Variants in SV2C observed in about 807,000 individuals in gnomAD.
SV2C encodes the protein solute carrier family 22 member B3.
Under a neutral mutation model 79.7 loss-of-function variants are expected in SV2C, and 49 were observed. That is an observed-to-expected ratio of 0.61 (90% confidence interval 0.49 to 0.78). The LOEUF is 0.78. Among genes scored for constraint, SV2C ranks in the 30% least tolerant of loss-of-function variants. The pLI, the probability that SV2C is intolerant of heterozygous loss-of-function variation, is 0.00. For synonymous variants in SV2C, 334 were observed against 333.2 expected, an observed-to-expected ratio of 1.00 and a Z score of -0.03; for missense variants, 833 against 912.9, an observed-to-expected ratio of 0.91 and a Z score of 1.13.
chr5:75,894,024 A>T, the SV2C span, among the ~76,000 whole-genome samples: 2 of 152,044 alleles, frequency 1.3e-5, no homozygotes, highest in Admixed American at 1.3e-4. Context: ...ACAGTAAAAT[A>T]TCTCAATTTT....
chr5:76,155,441 G>A (rs1318119620), intron 2 of SV2C, among the ~76,000 whole-genome samples: 1 of 152,168 alleles, frequency 6.6e-6, no homozygotes, highest in Non-Finnish European at 1.5e-5. Flanking sequence ...AACCAAGAAT[G>A]CAGAGCTCCT....
At chr5:76,099,376 G>A (rs1352381253) in intron 1 of SV2C, among the ~76,000 whole-genome samples, 1 of 151,610 alleles carries the variant, frequency 6.6e-6, no homozygotes, top group Non-Finnish European at 1.5e-5. Context: ...GTGTGTGTGT[G>A]TGTGTGTGTG....
At chr5:75,970,979 A>C in the SV2C span, among the ~76,000 whole-genome samples, 56 of 152,210 alleles carry the variant, frequency 3.7e-4, no homozygotes, top group East Asian at 0.01. Context: ...ATCCACCATA[A>C]TCAAGTGGGC....
At chr5:76,147,289 G>C (rs1749467007) in intron 2 of SV2C, among the ~76,000 whole-genome samples, 2 of 147,692 alleles carry the variant, frequency 1.4e-5, no homozygotes, top group African/African-American at 2.4e-5. Flanking sequence ...GGTGCTCCTA[G>C]TCACACTCAG....
chr5:76,010,040 ACT>A, the SV2C span, among the ~76,000 whole-genome samples: 1 of 135,224 alleles, frequency 7.4e-6, no homozygotes, highest in African/African-American at 2.9e-5. Context: ...TAACCTGCAA[ACT>A]CTACCTAGGC....
At chr5:76,191,067 C>T (rs1259389847) in intron 2 of SV2C, among the ~76,000 whole-genome samples, 1 of 152,116 alleles carries the variant, frequency 6.6e-6, no homozygotes, top group African/African-American at 2.4e-5. Context: ...CACAGTTCTG[C>T]AGGCTGTACA....
intron 4 of SV2C, among the ~76,000 whole-genome samples, chr5:76,269,916 CA>C (rs1746788078): frequency 6.6e-6 from 1 of 152,162 alleles, no homozygotes; most frequent in Non-Finnish European, 1.5e-5. Context: ...CACTGGGATG[CA>C]GCAGGACCAA....
chr5:76,212,494 AGCCG>A (rs1744795178), intron 4 of SV2C, among the ~76,000 whole-genome samples: 1 of 142,758 alleles, frequency 7.0e-6, no homozygotes, highest in South Asian at 2.2e-4. Flanking sequence ...ATACCTTCTT[AGCCG>A]GCCTTCAGGC....
the SV2C span, among the ~76,000 whole-genome samples, chr5:75,888,715 G>A: frequency 4.6e-5 from 7 of 152,164 alleles, no homozygotes; most frequent in South Asian, 4.2e-4. Context: ...ACAGGTTCCC[G>A]TGGCTTAGCA....
the SV2C span, among the ~76,000 whole-genome samples, chr5:76,001,957 C>A: frequency 6.6e-6 from 1 of 151,988 alleles, no homozygotes; most frequent in Non-Finnish European, 1.5e-5. Context: ...CCCCTCCCAC[C>A]ATTCCCCCTG....
chr5:76,190,189 T>C lies in SV2C; in HGVS notation c.581-4730T>C, dbSNP rs11957393. On this transcript the variant is annotated intron_variant, in intron 2 of 12. Transcript: ENST00000502798. ...ATGTTAAAGGGAAAATTATTTGTAA[T>C]GCTTGTTAAAGCATAGTCAGGACCA... 5.2e-3 allele frequency among the ~76,000 whole-genome samples: 790 copies of C among 152,320 alleles called. 8 individuals are homozygous for C. The highest frequency in any genetic ancestry group is 0.018 in the African/African-American group (756 of 41,558).
the SV2C span, among the ~76,000 whole-genome samples, chr5:75,902,093 C>A: frequency 1.3e-5 from 2 of 152,146 alleles, no homozygotes; most frequent in South Asian, 4.1e-4. Context: ...GTGCTGCACC[C>A]ACTGACCTGT....
At chr5:75,975,591 A>G in the SV2C span, among the ~76,000 whole-genome samples, 6 of 152,340 alleles carry the variant, frequency 3.9e-5, no homozygotes, top group South Asian at 4.1e-4. Context: ...TATACACTTC[A>G]GAGAGGGATT....
chr5:76,258,031 T>C (rs1460889856), intron 4 of SV2C, among the ~76,000 whole-genome samples: 1 of 146,896 alleles, frequency 6.8e-6, no homozygotes, highest in Non-Finnish European at 1.5e-5. Context: ...GGGGTGTGGA[T>C]TGTGTGGTGT....
chr5:76,257,958 G>C (rs1274937312), intron 4 of SV2C, among the ~76,000 whole-genome samples: 2 of 149,328 alleles, frequency 1.3e-5, no homozygotes, highest in African/African-American at 4.9e-5. Flanking sequence ...GTAGTGTGTG[G>C]GGTATAAACG....
intron 1 of SV2C, among the ~76,000 whole-genome samples, chr5:76,088,801 A>ATTT (rs1561210247): frequency 2.7e-4 from 41 of 150,798 alleles, no homozygotes; most frequent in African/African-American, 8.5e-4. Flanking sequence ...CTTTTTTTTA[A>ATTT]AAAAAAATGG....
the SV2C span, among the ~76,000 whole-genome samples, chr5:76,043,898 C>CTAATT: frequency 3.9e-5 from 6 of 152,080 alleles, no homozygotes; most frequent in Non-Finnish European, 8.8e-5. Context: ...TTTTCTTTTT[C>CTAATT]TAATTTAATT....
the SV2C span, among the ~76,000 whole-genome samples, chr5:75,937,169 A>G: frequency 6.6e-6 from 1 of 152,214 alleles, no homozygotes; most frequent in Non-Finnish European, 1.5e-5. Context: ...CAAACAGCTT[A>G]AACAATAATT....
chr5:75,950,586 G>T, the SV2C span, among the ~76,000 whole-genome samples: 9 of 151,800 alleles, frequency 5.9e-5, no homozygotes, highest in African/African-American at 1.9e-4. Flanking sequence ...ATAATATCTG[G>T]ACTACTTTTT....
Sources: allele counts gnomAD v4.1 joint callset (sites outside exome capture counted in the v4.1 genomes callset), GRCh38; gene constraint gnomAD v4.1.1; transcripts MANE v1.5; gene names NCBI Gene and HGNC (gene_info 2026-07-23, HGNC 2026-07-21).